The following CSGALNACT1 variants were observed in gnomAD, a reference collection of about 807,000 sequenced individuals.
CSGALNACT1 encodes the protein beta4GalNAcT-1.
Under a neutral mutation model 51.0 loss-of-function variants are expected in CSGALNACT1, and 52 were observed. The observed-to-expected ratio is 1.02, with a 90% CI of 0.82 to 1.29. The LOEUF (loss-of-function observed/expected upper bound fraction) is 1.29, where lower values mean the gene tolerates loss of function less well. Ranked by LOEUF, CSGALNACT1 falls within the 50% of genes most tolerant of loss-of-function variation. CSGALNACT1 has a pLI of 0.00. For missense variants in CSGALNACT1, 935 were observed against 679.2 expected (o/e 1.38, Z -4.19); for synonymous variants, 341 against 254.4 (o/e 1.34, Z -3.24).
intron 3 of CSGALNACT1, among the ~76,000 whole-genome samples, chr8:19,511,476 G>A (rs1353190754): frequency 6.6e-6 from 1 of 152,206 alleles, no homozygotes; most frequent in Non-Finnish European, 1.5e-5. Context: ...GTGTGGAAAG[G>A]ATTCTTATTC....
chr8:19,550,673 T>C (rs1424182942), intron 3 of CSGALNACT1, among the ~76,000 whole-genome samples: 1 of 152,214 alleles, frequency 6.6e-6, no homozygotes, highest in Admixed American at 6.5e-5. Context: ...ATTTAAGTGA[T>C]GTCACTGGGT....
chr8:19,485,566 G>T (rs946265443), intron 4 of CSGALNACT1, among the ~76,000 whole-genome samples: 19 of 152,128 alleles, frequency 1.2e-4, no homozygotes, highest in African/African-American at 4.6e-4. Flanking sequence ...CTAAACAGCA[G>T]CCAGCCCTTT....
chr8:19,704,942 G>T (rs2062074325), intron 1 of CSGALNACT1, among the ~76,000 whole-genome samples: 1 of 152,130 alleles, frequency 6.6e-6, no homozygotes, highest in African/African-American at 2.4e-5. Flanking sequence ...AACAGAGTTG[G>T]GAAATGGGGA....
At chr8:19,677,406 C>T (rs2060275325) in intron 1 of CSGALNACT1, among the ~76,000 whole-genome samples, 1 of 152,156 alleles carries the variant, frequency 6.6e-6, no homozygotes, top group South Asian at 2.1e-4. Context: ...CCACCATGCC[C>T]AGCCGCGAGT....
intron 4 of CSGALNACT1, among the ~76,000 whole-genome samples, chr8:19,470,418 G>C (rs955078506): frequency 5.3e-5 from 8 of 152,192 alleles, no homozygotes; most frequent in Admixed American, 2.6e-4. Context: ...CGAGGCCAGA[G>C]AGCATGAATT....
upstream of CSGALNACT1, among the ~76,000 whole-genome samples, chr8:19,686,904 T>C (rs535294425): frequency 2.2e-4 from 34 of 152,174 alleles, no homozygotes; most frequent in South Asian, 8.3e-4. Context: ...TCTCCTTCTC[T>C]GACTCCATGG....
chr8:19,668,081 G>C, intron 1 of CSGALNACT1, among the ~76,000 whole-genome samples: 1 of 152,154 alleles, frequency 6.6e-6, no homozygotes, highest in East Asian at 1.9e-4. Flanking sequence ...TCCAGAGAGA[G>C]AAATACAACT....
chr8:19,439,785 G>A, intron 6 of CSGALNACT1, 45 bp downstream of exon 5: 6 of 1,441,004 alleles, frequency 4.2e-6, no homozygotes, highest in Non-Finnish European at 5.9e-6. Flanking sequence ...GTGCTTCTGA[G>A]CTCAGTTACC....
At chr8:19,752,056 C>A (rs1390953362) in intron 1 of CSGALNACT1, among the ~76,000 whole-genome samples, 1 of 130,292 alleles carries the variant, frequency 7.7e-6, no homozygotes, top group African/African-American at 3.0e-5. Flanking sequence ...TAATATATAA[C>A]AATATATTTT....
intron 3 of CSGALNACT1, among the ~76,000 whole-genome samples, chr8:19,548,734 C>T (rs1306339744): frequency 6.6e-6 from 1 of 152,160 alleles, no homozygotes; most frequent in African/African-American, 2.4e-5. Flanking sequence ...TTCCCTGAGT[C>T]CAAATGATCA....
chr8:19,620,314 C>CAAAAAA (rs35145827), intron 1 of CSGALNACT1, among the ~76,000 whole-genome samples: 1 of 64,758 alleles, frequency 1.5e-5, no homozygotes, highest in East Asian at 4.6e-4. Context: ...GACTCTGTCT[C>CAAAAAA]AAAAAAAAAA....
rs939475225 is a variant in CSGALNACT1, at chr8:19,641,829, G to C, written c.-543-39964C>G. The C allele has an allele frequency of 5.3e-5, 8 of 152,180 alleles. 1 individual carries two copies. Among genetic ancestry groups the C allele is most frequent in the Admixed American group, 5.2e-4 (8 of 15,282 alleles). The allele number at this position is 152,180 out of a possible 1,614,324, so 9.4% of individuals were successfully genotyped here. On this transcript the variant is annotated intron_variant, in intron 1 of 9. Transcript: ENST00000332246. Reference sequence around the variant, plus strand: ...CCTTCTGGTTGTTGGCCGGGGCTTTGCTACACAGTGTCCTCAGCAATTTTT... The same window carrying C: ...CCTTCTGGTTGTTGGCCGGGGCTTTCCTACACAGTGTCCTCAGCAATTTTT...
chr8:19,620,748 T>A (rs1007611703), intron 1 of CSGALNACT1, among the ~76,000 whole-genome samples: 10 of 152,192 alleles, frequency 6.6e-5, no homozygotes, highest in Non-Finnish European at 8.8e-5. Flanking sequence ...TTTTAAATTT[T>A]AAAAAATTAG....
upstream of CSGALNACT1, among the ~76,000 whole-genome samples, chr8:19,684,358 T>C (rs2060849235): frequency 6.6e-6 from 1 of 152,124 alleles, no homozygotes; most frequent in African/African-American, 2.4e-5. Context: ...CGGGTTAAGA[T>C]TTGGAAAATA....
chr8:19,454,748 G>C (rs558970768), intron 5 of CSGALNACT1, among the ~76,000 whole-genome samples: 2 of 151,640 alleles, frequency 1.3e-5, no homozygotes, highest in African/African-American at 4.8e-5. Flanking sequence ...TGCTGATTTC[G>C]TTTTGTACTG....
At chr8:19,577,580 T>C (rs894642875) in intron 3 of CSGALNACT1, among the ~76,000 whole-genome samples, 2 of 150,206 alleles carry the variant, frequency 1.3e-5, no homozygotes, top group African/African-American at 4.9e-5. Context: ...AAATTAAAAA[T>C]AGACAAGAAA....
chr8:19,705,480 C>T (rs1387038102), intron 1 of CSGALNACT1, among the ~76,000 whole-genome samples: 2 of 152,112 alleles, frequency 1.3e-5, no homozygotes, highest in Non-Finnish European at 2.9e-5. Context: ...TACTTGTAAT[C>T]CTAACACTTT....
At chr8:19,516,527 T>C (rs11782907) in intron 3 of CSGALNACT1, among the ~76,000 whole-genome samples, 23,362 of 152,212 alleles carry the variant, frequency 0.15, 2,149 homozygotes, top group Non-Finnish European at 0.21. Context: ...TTAAAATGTT[T>C]TGTACCCCCA....
At chr8:19,472,741 G>A (rs1378176405) in intron 4 of CSGALNACT1, among the ~76,000 whole-genome samples, 2 of 152,162 alleles carry the variant, frequency 1.3e-5, no homozygotes, top group Non-Finnish European at 2.9e-5. Context: ...ACATAAAGAT[G>A]CTTCAAAAAG....
Sources: allele counts gnomAD v4.1 joint callset (sites outside exome capture counted in the v4.1 genomes callset), GRCh38; gene constraint gnomAD v4.1.1; transcripts MANE v1.5; gene names NCBI Gene and HGNC (gene_info 2026-07-23, HGNC 2026-07-21).